The following DHX29 variants were observed in gnomAD, a reference collection of about 807,000 sequenced individuals.
The protein encoded by DHX29 is ATP-dependent RNA helicase DHX29.
Under a neutral mutation model 167.9 loss-of-function variants are expected in DHX29, and 79 were observed. The observed-to-expected ratio is 0.47, with a 90% CI of 0.39 to 0.57. The LOEUF (loss-of-function observed/expected upper bound fraction) is 0.57, where lower values mean the gene tolerates loss of function less well. DHX29 is among the 20% of genes least tolerant of loss of function. The pLI is 0.00. For missense variants in DHX29, 1,347 were observed against 1,593.4 expected (o/e 0.85, Z 2.63); for synonymous variants, 530 against 546.0 (o/e 0.97, Z 0.41).
At chr5:55,283,898 C>T (rs1260735985) in intron 10 of DHX29, 87 bp from the exon 11 acceptor site, 1 of 1,085,228 alleles carries the variant, frequency 9.2e-7, no homozygotes, top group Non-Finnish European at 1.3e-6. Flanking sequence ...TAGCTATATT[C>T]ATCTTAAAAT....
chr5:55,300,155 TGA>T (rs772074679), intron 1 of DHX29, among the ~76,000 whole-genome samples: 33 of 149,756 alleles, frequency 2.2e-4, no homozygotes, highest in Non-Finnish European at 4.7e-4. Flanking sequence ...GAGGATCTCT[TGA>T]GCCCAGGAGT....
chr5:55,295,100 G>A, intron 5 of DHX29: 1 of 273,092 alleles, frequency 3.7e-6, no homozygotes, highest in Non-Finnish European at 6.9e-6. Context: ...CACTTTGGAT[G>A]TTCCAGCCTT....
intron 10 of DHX29, among the ~76,000 whole-genome samples, chr5:55,284,180 C>G (rs1306945092): frequency 6.6e-6 from 1 of 152,126 alleles, no homozygotes; most frequent in Non-Finnish European, 1.5e-5. Context: ...TTGTACCTCC[C>G]TTATAGGCAT....
intron 1 of DHX29, among the ~76,000 whole-genome samples, chr5:55,301,713 C>CAAAAAAAAAAAAAAAAAAAAAAAAAAAA (rs70992777): frequency 1.5e-5 from 1 of 64,738 alleles, no homozygotes; most frequent in African/African-American, 5.6e-5. Context: ...AACTCCATCT[C>CAAAAAAAAAAAAAAAAAAAAAAAAAAAA]AAAAAAAAAA....
At chr5:55,282,842 T>C (rs775190518) in intron 11 of DHX29, among the ~76,000 whole-genome samples, 1 of 152,204 alleles carries the variant, frequency 6.6e-6, no homozygotes, top group Non-Finnish European at 1.5e-5. Context: ...CATTCAGGAA[T>C]ATATTCCACA....
chr5:55,287,191 C>T (rs1285051970), intron 8 of DHX29, among the ~76,000 whole-genome samples: 7 of 152,152 alleles, frequency 4.6e-5, no homozygotes, highest in South Asian at 4.1e-4. Context: ...CCGGTAATCC[C>T]AACACTCTGG....
In DHX29 at chr5:55,272,029, A is replaced by G. The variant is rs535992269; in HGVS notation, c.2864+58T>C. On this transcript the variant is annotated intron_variant, in intron 18 of 26. Coordinates refer to ENST00000251636, the MANE Select transcript of DHX29 (RefSeq NM_019030.4). ...ATTTTAGGATTTCTCCCAAGAATTC[A>G]AGAGCCCCAACCTCTTTCCAGGTTA... The G allele has an allele frequency of 2.8e-5, 28 of 1,000,028 alleles. No individual in the cohort carries two copies. In the South Asian group the frequency reaches 4.1e-4, roughly 15 times the overall value. 61.9% of individuals were successfully genotyped at this position (1,000,028 alleles called of 1,614,324 possible).
At chr5:55,298,486 A>C (rs1748430319) in intron 2 of DHX29, 105 bp downstream of exon 2, 1 of 677,744 alleles carries the variant, frequency 1.5e-6, no homozygotes, top group Non-Finnish European at 2.6e-6. Context: ...CTATTTACAA[A>C]AATTTAAAAC....
intron 12 of DHX29, among the ~76,000 whole-genome samples, chr5:55,278,685 T>G (rs1017451789): frequency 1.3e-4 from 20 of 152,024 alleles, no homozygotes; most frequent in African/African-American, 4.6e-4. Flanking sequence ...CAAATGCCAC[T>G]GATGCTGAGG....
intron 17 of DHX29, 144 bp from the exon 18 acceptor site, chr5:55,272,319 G>T: frequency 1.7e-6 from 1 of 591,260 alleles, no homozygotes; most frequent in South Asian, 2.2e-5. Context: ...TGCTATTACT[G>T]TGTAATTTTA....
At position 55,274,932 on chromosome 5, in the gene DHX29, C is replaced by A; in HGVS notation, c.2506G>T (p.Ala836Ser). ...TTATGAGGATTCATGTATAGAATAG[C>A]ATGCTGAGTGCGGCTGCTGTACTTT... Reference protein sequence around the residue: ...YQKYSSRTQHAILYMNPHKIN... With the variant: ...YQKYSSRTQHSILYMNPHKIN... The change falls in exon 15 of 27, where the codon GCT becomes TCT. Residue 836 changes from alanine to serine, a missense_variant. Ala to Ser is a moderately conservative substitution (Grantham distance 99, BLOSUM62 1). This residue lies in a region of DHX29 where 882 missense variants were observed against 1,082.4 expected (regional missense o/e 0.81). Transcript: ENST00000251636. 1.9e-6 allele frequency: 3 copies of A among 1,613,884 alleles called. No homozygotes were observed. Among genetic ancestry groups the A allele is most frequent in the Non-Finnish European group, 2.5e-6 (3 of 1,179,908 alleles).
At chr5:55,267,363 C>T in intron 22 of DHX29, 132 bp from the exon 23 acceptor site, 2 of 661,448 alleles carry the variant, frequency 3.0e-6, no homozygotes, top group Non-Finnish European at 2.5e-6. Context: ...TTGCTTGTAG[C>T]AGCTACCAAT....
chr5:55,257,601 G>GA (rs1746114017), intron 26 of DHX29, among the ~76,000 whole-genome samples: 1 of 152,136 alleles, frequency 6.6e-6, no homozygotes, highest in Non-Finnish European at 1.5e-5. Context: ...CAAGAACCAT[G>GA]ATTTTTAAAT....
chr5:55,265,094 GAA>G (rs11336502), intron 23 of DHX29, among the ~76,000 whole-genome samples: 47 of 136,466 alleles, frequency 3.4e-4, no homozygotes, highest in South Asian at 1.4e-3. Context: ...AAAGAAAAAA[GAA>G]AAAAAAAAAA....
intron 23 of DHX29, among the ~76,000 whole-genome samples, chr5:55,263,248 T>C (rs1746395764): frequency 1.3e-5 from 2 of 152,190 alleles, no homozygotes; most frequent in African/African-American, 4.8e-5. Flanking sequence ...CCTTTTTCTC[T>C]GGAGATTTTT....
At chr5:55,296,100 A>G (rs756609748) in intron 4 of DHX29, 120 bp downstream of exon 4, 5 of 1,082,288 alleles carry the variant, frequency 4.6e-6, no homozygotes, top group Non-Finnish European at 6.3e-6. Context: ...AGGTAAGAAC[A>G]CTTTAAAAGT....
chr5:55,302,481 G>A (rs967562043), intron 1 of DHX29, among the ~76,000 whole-genome samples: 35 of 151,882 alleles, frequency 2.3e-4, no homozygotes, highest in African/African-American at 8.2e-4. Context: ...TTAGCTAGGT[G>A]TGGTGGCTTG....
intron 17 of DHX29, 54 bp from the exon 18 acceptor site, chr5:55,272,229 T>C (rs1746889813): frequency 1.8e-6 from 2 of 1,085,220 alleles, no homozygotes; most frequent in African/African-American, 1.6e-5. Flanking sequence ...GAATGTATCA[T>C]TATTTAAATT....
At chr5:55,279,396 G>GACT (rs1747282371) in intron 12 of DHX29, 1 of 145,562 alleles carries the variant, frequency 6.9e-6, no homozygotes, top group African/African-American at 2.6e-5. Flanking sequence ...TTCTGGAGAC[G>GACT]GTATCTAGAC....
Sources: gnomAD v4.1 joint callset for allele counts (sites outside exome capture counted in the v4.1 genomes callset) on GRCh38, gnomAD v4.1.1 for gene constraint, gnomAD v4.1.1 regional missense constraint, MANE v1.5 for transcripts, NCBI Gene and HGNC (gene_info 2026-07-23, HGNC 2026-07-21) for gene names.